The following EDEM1 variants were observed in gnomAD, a reference collection of about 807,000 sequenced individuals.
EDEM1 encodes ER degradation-enhancing alpha-mannosidase-like protein 1.
In EDEM1, 67 loss-of-function variants were observed where a neutral mutation model predicts 74.4. The ratio of observed to expected loss-of-function variants is 0.90; its 90% CI spans 0.74 to 1.10. The LOEUF (loss-of-function observed/expected upper bound fraction) is 1.10. Ranked by LOEUF, EDEM1 falls within the 50% of genes least tolerant of loss-of-function variation. The pLI, the probability that EDEM1 is intolerant of heterozygous loss-of-function variation, is 0.00. For synonymous variants in EDEM1, 382 were observed against 335.9 expected, an observed-to-expected ratio of 1.14 and a Z score of -1.50; for missense variants, 926 against 851.6, an observed-to-expected ratio of 1.09 and a Z score of -1.09.
At position 5,187,907 on chromosome 3, in the gene EDEM1, C is replaced by A; in HGVS notation, c.102C>A (p.Tyr34Ter). Residue 34 changes from tyrosine to a stop codon, truncating the protein, a stop_gained, in exon 1 of 12, where the codon TAC becomes TAA. Transcript: ENST00000256497. LOFTEE classifies it high-confidence loss of function. Reference protein sequence around the residue: ...VFGLGPSMGFYQRFPLSFGFQ... With the variant: ...VFGLGPSMGF Reference sequence around the variant, plus strand: ...GGCTGGGGCCCAGCATGGGCTTCTACCAGCGCTTTCCGCTCAGCTTCGGCT... The same window carrying A: ...GGCTGGGGCCCAGCATGGGCTTCTAACAGCGCTTTCCGCTCAGCTTCGGCT... 2 of 1,598,596 alleles carry A rather than the reference C, an allele frequency of 1.3e-6. No individual in the cohort carries two copies. The highest frequency in any genetic ancestry group is 1.7e-6 in the Non-Finnish European group (2 of 1,174,834).
At chr3:5,215,775 T>C (rs184017358) in intron 11 of EDEM1, 54 bp from the exon 12 acceptor site, 1 of 1,503,740 alleles carries the variant, frequency 6.7e-7, no homozygotes, top group African/African-American at 1.4e-5. Context: ...CAGTCACATT[T>C]CCTGAGAGAG....
intron 1 of EDEM1, among the ~76,000 whole-genome samples, chr3:5,193,183 G>T (rs959734513): frequency 1.3e-5 from 2 of 152,142 alleles, no homozygotes; most frequent in African/African-American, 4.8e-5. Context: ...TAGCTTGGAT[G>T]CTACATGATG....
chr3:5,206,570 T>G (rs374349684), intron 6 of EDEM1, among the ~76,000 whole-genome samples: 4 of 152,236 alleles, frequency 2.6e-5, no homozygotes, highest in Non-Finnish European at 5.9e-5. Context: ...TTATAGCTAC[T>G]GAGCTTCCTG....
Position 5,207,873 on chromosome 3 carries a change from C to CT in EDEM1, c.1339-215dup, listed in dbSNP as rs774758745. On this transcript the variant is annotated intron_variant, in intron 7 of 11. Transcript: ENST00000256497. ...CCTTGTTCATGAGTACACGTAATCT[C>CT]TTTTTCTGTGTGCAGCTCACATCAA... 8.5e-4 allele frequency among the ~76,000 whole-genome samples: 129 copies of CT among 152,184 alleles called. 1 individual carries two copies. The highest frequency in any genetic ancestry group is 3.2e-3 in the Middle Eastern group (1 of 314).
At chr3:5,208,770 T>TATATAC in intron 8 of EDEM1, among the ~76,000 whole-genome samples, 1 of 148,418 alleles carries the variant, frequency 6.7e-6, no homozygotes, top group Non-Finnish European at 1.5e-5. Flanking sequence ...TATATATATA[T>TATATAC]ACACACACAC....
At chr3:5,193,415 C>T (rs905701094) in intron 1 of EDEM1, among the ~76,000 whole-genome samples, 4 of 152,084 alleles carry the variant, frequency 2.6e-5, no homozygotes, top group Non-Finnish European at 5.9e-5. Flanking sequence ...ATCCATAGCT[C>T]TTGCTTTGAG....
At chr3:5,204,761 T>C (rs1438861199) in intron 5 of EDEM1, among the ~76,000 whole-genome samples, 1 of 152,186 alleles carries the variant, frequency 6.6e-6, no homozygotes, top group Non-Finnish European at 1.5e-5. Flanking sequence ...TTAAAGTCTG[T>C]GAAAAACTCT....
intron 1 of EDEM1, among the ~76,000 whole-genome samples, chr3:5,191,678 C>T (rs1450228559): frequency 6.6e-6 from 1 of 152,144 alleles, no homozygotes; most frequent in Admixed American, 6.5e-5. Context: ...GTCATATATG[C>T]TCCAAACTTA....
intron 8 of EDEM1, 77 bp from the exon 9 acceptor site, chr3:5,210,098 C>G: frequency 7.7e-7 from 1 of 1,306,906 alleles, no homozygotes; most frequent in Non-Finnish European, 1.1e-6. Context: ...TGGGGAAGCC[C>G]CGCAGTCACC....
At position 5,187,718 on chromosome 3, in the gene EDEM1, G is replaced by C. The variant is rs938329821; in HGVS notation, c.-88G>C. On this transcript the variant is annotated 5_prime_UTR_variant, in exon 1 of 12. Transcript: ENST00000256497. ...CGGGGGAGTTCCTTAAAGGGGAAGC[G>C]AGCCGGGCTACGGGGCGAGCGCGGG... The C allele has an allele frequency of 1.4e-6, 2 of 1,395,320 alleles. No individual in the cohort carries two copies. The highest frequency in any genetic ancestry group is 3.0e-5 in the African/African-American group (2 of 66,038). The allele number at this position is 1,395,320 out of a possible 1,614,324, so 86.4% of individuals were successfully genotyped here. A position where few individuals can be genotyped will look rare whatever the true frequency, so the allele number is the denominator to read the frequency against.
intron 11 of EDEM1, 41 bp from the exon 12 acceptor site, chr3:5,215,788 A>G: frequency 6.5e-7 from 1 of 1,542,564 alleles, no homozygotes; most frequent in Non-Finnish European, 9.0e-7. Context: ...TGAGAGAGCA[A>G]CATATGAGTT....
rs529531694 is a variant in EDEM1 at position 5,198,295 on chromosome 3, C to G, written c.583-1297C>G. 2.6e-5 allele frequency among the ~76,000 whole-genome samples: 4 copies of G among 152,298 alleles called. No homozygotes were observed. In the East Asian group the frequency reaches 7.7e-4, roughly 29 times the overall value. On this transcript the variant is annotated intron_variant, in intron 2 of 11. Coordinates refer to ENST00000256497, the MANE Select transcript of EDEM1 (RefSeq NM_014674.3). The stretch of plus-strand genomic sequence containing the variant: ...AACTCTTGGCCTGAAGTGATCCGCT[C>G]GCTTTGGCCTCCCTAAGTATGGGCT...
intron 1 of EDEM1, among the ~76,000 whole-genome samples, chr3:5,192,934 T>C (rs1314565177): frequency 6.6e-6 from 1 of 152,252 alleles, no homozygotes; most frequent in South Asian, 2.1e-4. Context: ...TTTTTTTTTT[T>C]TTTACTGTGG....
chr3:5,195,335 AT>A, intron 2 of EDEM1, 54 bp downstream of exon 2: 1 of 1,184,350 alleles, frequency 8.4e-7, no homozygotes, highest in Non-Finnish European at 1.2e-6. Flanking sequence ...AGAGTTGATT[AT>A]CCCTAGTTCC....
intron 1 of EDEM1, among the ~76,000 whole-genome samples, chr3:5,191,110 G>A (rs2054897278): frequency 6.6e-6 from 1 of 152,052 alleles, no homozygotes; most frequent in Admixed American, 6.5e-5. Context: ...TTATGCTATC[G>A]AATACTAGGC....
In EDEM1 at chr3:5,215,878, T is replaced by G. The variant is rs1332704155; in HGVS notation, c.1934T>G (p.Ile645Ser). Residue 645 changes from isoleucine to serine, a missense_variant, in exon 12 of 12, where the codon ATC becomes AGC. Physicochemically the swap from Ile to Ser is moderately radical, Grantham distance 142 (BLOSUM62 -2). Transcript: ENST00000256497. The stretch of plus-strand genomic sequence containing the variant: ...AGGTACTCCCTGCCCTTAAAGAGCA[T>G]CTACATGCGACAGATTGACCAGATG... ...ERRYSLPLKSIYMRQIDQMVG... is the reference protein window; with the variant it reads ...ERRYSLPLKSSYMRQIDQMVG... 3.1e-6 allele frequency: 5 copies of G among 1,613,248 alleles called. No individual in the cohort carries two copies. Among genetic ancestry groups the G allele is most frequent in the Non-Finnish European group, 4.2e-6 (5 of 1,179,786 alleles).
At chr3:5,210,390 T>G in intron 9 of EDEM1, 142 bp downstream of exon 9, 1 of 788,598 alleles carries the variant, frequency 1.3e-6, no homozygotes. Context: ...GCTTACCTTT[T>G]GGTGTAGTAG....
Position 5,219,801 on chromosome 3 carries a change from T to C in EDEM1, c.*3883T>C, listed in dbSNP as rs1457469224. On this transcript the variant is annotated 3_prime_UTR_variant, in exon 12 of 12. Coordinates refer to ENST00000256497, the MANE Select transcript of EDEM1 (RefSeq NM_014674.3). ...TGCTTTGCAACTGTAGATGATATTT[T>C]ATGTTTAATCTGTAAATAAGAAATG... 6.6e-6 allele frequency: 1 copy of C among 152,664 alleles called. No homozygotes were observed. The highest frequency in any genetic ancestry group is 1.5e-5 in the Non-Finnish European group (1 of 68,036). 9.5% of individuals were successfully genotyped at this position (152,664 alleles called of 1,614,324 possible).
intron 11 of EDEM1, 34 bp from the exon 12 acceptor site, chr3:5,215,795 A>T: frequency 6.4e-7 from 1 of 1,572,974 alleles, no homozygotes; most frequent in Non-Finnish European, 8.8e-7. Flanking sequence ...GCAACATATG[A>T]GTTTTTAATT....
Sources: allele counts gnomAD v4.1 joint callset (sites outside exome capture counted in the v4.1 genomes callset), GRCh38; gene constraint gnomAD v4.1.1; transcripts MANE v1.5; gene names NCBI Gene and HGNC (gene_info 2026-07-23, HGNC 2026-07-21).